The following ZNF385B variants were observed in gnomAD, a reference collection of about 807,000 sequenced individuals.
The protein encoded by ZNF385B is zinc finger protein 385B.
Under a neutral mutation model 39.2 loss-of-function variants are expected in ZNF385B, and 23 were observed. The observed-to-expected ratio is 0.59, with a 90% CI of 0.42 to 0.83. The LOEUF (loss-of-function observed/expected upper bound fraction) is 0.83, where lower values mean the gene tolerates loss of function less well. Ranked by LOEUF, ZNF385B falls within the 40% of genes least tolerant of loss-of-function variation. The probability of loss-of-function intolerance (pLI) is 0.00; values close to 1 mark genes in which losing one functional copy is unlikely to be tolerated. For synonymous variants in ZNF385B, 205 were observed against 222.6 expected (o/e 0.92, Z 0.70); for missense variants, 552 against 598.9 (o/e 0.92, Z 0.82).
In ZNF385B at chr2:179,443,383, G is replaced by A. The variant is rs766308999; in HGVS notation, c.1328C>T (p.Ser443Phe). 6.2e-7 allele frequency: 1 copy of A among 1,611,798 alleles called. No homozygotes were observed. Among genetic ancestry groups the A allele is most frequent in the South Asian group, 1.1e-5 (1 of 90,828 alleles). ...CCGGGGTGGGAGTGACAGCGCTGAG[G>A]ACACGGCTGCCGCCGCTGCGAGAGG... ...SSPLAAAAAVSSALSLPPRPS... is the reference protein window; with the variant it reads ...SSPLAAAAAVFSALSLPPRPS... The change falls in exon 10 of 10, where the codon TCC becomes TTC. Residue 443 changes from serine to phenylalanine, a missense_variant. Coordinates refer to ENST00000410066, the MANE Select transcript of ZNF385B (RefSeq NM_152520.6).
chr2:179,527,197 C>T (rs1019083608), intron 4 of ZNF385B, among the ~76,000 whole-genome samples: 1 of 152,074 alleles, frequency 6.6e-6, no homozygotes, highest in Non-Finnish European at 1.5e-5. Context: ...TCAGTTTTTC[C>T]CAATTTTCTA....
chr2:179,514,305 A>C (rs6713941), intron 5 of ZNF385B: 124,106 of 152,266 alleles, frequency 0.82, 50,947 homozygotes, highest in East Asian at 0.92. Flanking sequence ...CTGACTGCCT[A>C]TTCTGCATCT....
intron 3 of ZNF385B, among the ~76,000 whole-genome samples, chr2:179,736,351 CT>C (rs1203511648): frequency 3.3e-5 from 5 of 151,666 alleles, no homozygotes; most frequent in Admixed American, 2.6e-4. Context: ...TTTTTTAGCT[CT>C]TATTTTGCTT....
intron 3 of ZNF385B, among the ~76,000 whole-genome samples, chr2:179,735,216 G>A (rs1353129233): frequency 6.6e-6 from 1 of 150,544 alleles, no homozygotes; most frequent in Non-Finnish European, 1.5e-5. Flanking sequence ...CAAAAAGTGG[G>A]CAAAGGACAT....
intron 3 of ZNF385B, among the ~76,000 whole-genome samples, chr2:179,688,011 A>T (rs941949208): frequency 2.0e-5 from 3 of 152,190 alleles, no homozygotes; most frequent in Non-Finnish European, 4.4e-5. Context: ...TGGTTTGAAC[A>T]TTAGGGTGGT....
intron 1 of ZNF385B, among the ~76,000 whole-genome samples, chr2:179,856,400 C>T (rs1027661060): frequency 6.6e-6 from 1 of 151,954 alleles, no homozygotes; most frequent in African/African-American, 2.4e-5. Context: ...CTTAAGTAGA[C>T]CCAGGAAGTA....
intron 1 of ZNF385B, among the ~76,000 whole-genome samples, chr2:179,829,583 G>A (rs1297832159): frequency 6.6e-6 from 1 of 151,706 alleles, no homozygotes; most frequent in Non-Finnish European, 1.5e-5. Context: ...GTGCTATCTC[G>A]GCTCACTGCA....
At chr2:179,622,277 C>T (rs1024288739) in intron 3 of ZNF385B, among the ~76,000 whole-genome samples, 3 of 152,132 alleles carry the variant, frequency 2.0e-5, no homozygotes, top group Non-Finnish European at 2.9e-5. Flanking sequence ...CATTCAGGGT[C>T]GTCATTCTCA....
chr2:179,584,544 C>A (rs1054120300), intron 3 of ZNF385B, among the ~76,000 whole-genome samples: 3 of 152,128 alleles, frequency 2.0e-5, no homozygotes, highest in African/African-American at 7.2e-5. Flanking sequence ...GGCCTCTGAG[C>A]ATGTGCAAAG....
intron 3 of ZNF385B, among the ~76,000 whole-genome samples, chr2:179,742,491 ATAT>A (rs989307649): frequency 1.3e-5 from 2 of 152,088 alleles, no homozygotes; most frequent in African/African-American, 4.8e-5. Context: ...ATATACTAAA[ATAT>A]TATTTATTGT....
chr2:179,493,308 G>A (rs902651274), intron 5 of ZNF385B, among the ~76,000 whole-genome samples: 1 of 151,650 alleles, frequency 6.6e-6, no homozygotes, highest in African/African-American at 2.4e-5. Context: ...CCATATATAG[G>A]CATATGGCAT....
At chr2:179,799,704 T>C (rs965600770) in intron 1 of ZNF385B, among the ~76,000 whole-genome samples, 3 of 152,060 alleles carry the variant, frequency 2.0e-5, no homozygotes, top group African/African-American at 4.8e-5. Flanking sequence ...CAGAGTACTA[T>C]TGTGGGAAAA....
chr2:179,759,337 A>T (rs991183448), intron 3 of ZNF385B, among the ~76,000 whole-genome samples: 1 of 152,208 alleles, frequency 6.6e-6, no homozygotes, highest in Non-Finnish European at 1.5e-5. Context: ...CCTAGTTAAC[A>T]TAAACCAGAA....
chr2:179,459,683 GTC>G (rs2051099487), intron 6 of ZNF385B, among the ~76,000 whole-genome samples: 1 of 150,454 alleles, frequency 6.6e-6, no homozygotes, highest in African/African-American at 2.4e-5. Flanking sequence ...TAATTTATAA[GTC>G]TATTTATTAA....
chr2:179,682,038 T>C (rs898979417), intron 3 of ZNF385B, among the ~76,000 whole-genome samples: 3 of 152,220 alleles, frequency 2.0e-5, no homozygotes, highest in Non-Finnish European at 4.4e-5. Flanking sequence ...CAGTCACTGT[T>C]TACCTGTAAT....
At chr2:179,632,106 A>C in intron 3 of ZNF385B, among the ~76,000 whole-genome samples, 1 of 152,140 alleles carries the variant, frequency 6.6e-6, no homozygotes, top group East Asian at 1.9e-4. Context: ...ATAATGAGAG[A>C]CTTTAACACC....
At chr2:179,562,343 A>T in intron 3 of ZNF385B, 2 of 953,618 alleles carry the variant, frequency 2.1e-6, no homozygotes, top group Non-Finnish European at 2.5e-6. Context: ...TTTTTGTCAC[A>T]TATTTCATAA....
intron 3 of ZNF385B, among the ~76,000 whole-genome samples, chr2:179,676,241 A>G (rs1003346655): frequency 5.9e-5 from 9 of 151,694 alleles, no homozygotes; most frequent in African/African-American, 2.2e-4. Context: ...GGCGCCCACC[A>G]ACACACCCGG....
intron 1 of ZNF385B, among the ~76,000 whole-genome samples, chr2:179,834,857 A>G (rs572808825): frequency 3.2e-4 from 49 of 152,222 alleles, no homozygotes; most frequent in Admixed American, 1.1e-3. Flanking sequence ...GAAGGACACA[A>G]CAACGCCCAT....
Sources: gnomAD v4.1 joint callset for allele counts (sites outside exome capture counted in the v4.1 genomes callset) on GRCh38, gnomAD v4.1.1 for gene constraint, MANE v1.5 for transcripts, NCBI Gene and HGNC (gene_info 2026-07-23, HGNC 2026-07-21) for gene names.